Variants in CSMD3 observed in about 807,000 individuals in gnomAD.
CSMD3 encodes the protein CUB and Sushi multiple domains 3.
CSMD3 carries 177 observed loss-of-function variants against 435.2 expected under a neutral mutation model. The observed-to-expected ratio is 0.41, with a 90% CI of 0.36 to 0.46. CSMD3 has a LOEUF of 0.46. Among genes scored for constraint, CSMD3 ranks in the 20% least tolerant of loss-of-function variants. The pLI is 0.34. For missense variants in CSMD3, 4,265 were observed against 4,504.6 expected, an observed-to-expected ratio of 0.95 and a Z score of 1.52; for synonymous variants, 1,656 against 1,520.5, an observed-to-expected ratio of 1.09 and a Z score of -2.07.
chr8:113,341,563 A>T (rs1563722513), intron 1 of CSMD3, among the ~76,000 whole-genome samples: 1 of 152,132 alleles, frequency 6.6e-6, no homozygotes. Context: ...GGAACCCATA[A>T]ACAAGTAGTT....
chr8:113,199,372 A>G (rs2092693677), intron 3 of CSMD3, among the ~76,000 whole-genome samples: 1 of 151,742 alleles, frequency 6.6e-6, no homozygotes. Flanking sequence ...TTCATCATTG[A>G]GAATAACTGG....
intron 20 of CSMD3, among the ~76,000 whole-genome samples, chr8:112,641,349 A>G (rs1320111084): frequency 2.0e-5 from 3 of 152,206 alleles, no homozygotes; most frequent in East Asian, 1.9e-4. Flanking sequence ...AGAAACTACT[A>G]TATTCTAGTC....
intron 3 of CSMD3, among the ~76,000 whole-genome samples, chr8:113,199,717 T>C (rs1042826332): frequency 6.6e-6 from 1 of 151,746 alleles, no homozygotes; most frequent in African/African-American, 2.4e-5. Context: ...TATATTTTTA[T>C]GTGAGGTGAA....
intron 2 of CSMD3, among the ~76,000 whole-genome samples, chr8:113,292,106 A>G (rs1335133675): frequency 1.3e-5 from 2 of 151,690 alleles, no homozygotes; most frequent in African/African-American, 2.4e-5. Context: ...TTTACAGTTT[A>G]CTTTGTAATT....
intron 10 of CSMD3, among the ~76,000 whole-genome samples, chr8:112,920,873 C>T (rs1475139817): frequency 2.0e-5 from 3 of 150,884 alleles, no homozygotes; most frequent in Non-Finnish European, 4.4e-5. Context: ...AAATTGTCCT[C>T]AATGAGTTTT....
chr8:112,920,513 A>G (rs2082702385), intron 10 of CSMD3, among the ~76,000 whole-genome samples: 1 of 151,882 alleles, frequency 6.6e-6, no homozygotes, highest in Non-Finnish European at 1.5e-5. Context: ...TGAGGTGTAG[A>G]TTTTAATTCT....
intron 35 of CSMD3, 23 bp downstream of exon 35, chr8:112,406,501 A>G: frequency 6.6e-7 from 1 of 1,523,578 alleles, no homozygotes; most frequent in South Asian, 1.1e-5. Flanking sequence ...ATAATCACAG[A>G]TCATACAAAT....
At chr8:112,250,344 T>C (rs1022847272) in intron 63 of CSMD3, among the ~76,000 whole-genome samples, 5 of 151,818 alleles carry the variant, frequency 3.3e-5, no homozygotes, top group Admixed American at 2.0e-4. Context: ...ACACATCTAA[T>C]AAGATTTTTG....
At chr8:112,614,244 C>G (rs1833497670) in intron 22 of CSMD3, among the ~76,000 whole-genome samples, 1 of 152,052 alleles carries the variant, frequency 6.6e-6, no homozygotes, top group Non-Finnish European at 1.5e-5. Context: ...GCCCTAATTG[C>G]CATGGTAGCA....
rs546633739 is a variant in CSMD3, at chr8:113,048,568, TA to T, written c.918-29390del. 1.6e-4 allele frequency among the ~76,000 whole-genome samples: 25 copies of T among 152,290 alleles called. No homozygotes were observed. In the East Asian group the frequency reaches 4.2e-3, roughly 26 times the overall value. Reference sequence around the variant, plus strand: ...ATTTTTCTGAAAGAATACTCTAGATTAAAAAAGAAAGATTACATTTGAATAA... The same window carrying T: ...ATTTTTCTGAAAGAATACTCTAGATTAAAAAGAAAGATTACATTTGAATAA... On this transcript the variant is annotated intron_variant, in intron 5 of 70. Coordinates refer to ENST00000297405, the MANE Select transcript of CSMD3 (RefSeq NM_198123.2).
chr8:112,314,049 G>C lies in CSMD3; in HGVS notation c.7553C>G (p.Pro2518Arg), dbSNP rs200501309. 39 of 1,604,884 alleles carry C rather than the reference G, an allele frequency of 2.4e-5. No homozygotes were observed. The highest frequency in any genetic ancestry group is 3.3e-5 in the Admixed American group (2 of 59,918). The change falls in exon 49 of 71, where the codon CCA (proline) becomes CGA (arginine). Residue 2518 changes from proline (P) to arginine (R), a missense_variant. Transcript: ENST00000297405. The part of the protein sequence containing the change: ...EFDVLQVYDG[P>R]NIQSPVLISL... ...AATAAGCACTGGACTTTGAATATTTGGTCCTTTGGGAAGAAAATAAAACAA... is the reference window on the plus strand; with the variant it reads ...AATAAGCACTGGACTTTGAATATTTCGTCCTTTGGGAAGAAAATAAAACAA...
intron 38 of CSMD3, among the ~76,000 whole-genome samples, chr8:112,365,452 A>G (rs1006533053): frequency 6.7e-6 from 1 of 149,726 alleles, no homozygotes; most frequent in African/African-American, 2.5e-5. Flanking sequence ...ATGAAAAAAA[A>G]TTACGCATAG....
At chr8:113,143,980 C>G (rs2091611821) in intron 4 of CSMD3, among the ~76,000 whole-genome samples, 1 of 151,242 alleles carries the variant, frequency 6.6e-6, no homozygotes, top group Non-Finnish European at 1.5e-5. Context: ...TGTAATTTTT[C>G]TTAAAACTGC....
At position 112,766,257 on chromosome 8, in the gene CSMD3, T is replaced by C. The variant is rs1222180588; in HGVS notation, c.1972+33905A>G. ...TGTTTCTCCATACTGAAAAAATTAA[T>C]GGTAATTAAATTGTCCAGAAGAAGA... is the stretch of plus-strand genomic sequence containing the variant. On this transcript the variant is annotated intron_variant, in intron 13 of 70. Transcript: ENST00000297405. Among the ~76,000 whole-genome samples the C allele has an allele frequency of 5.9e-5, 9 of 151,748 alleles. No homozygotes were observed. In the South Asian group the frequency reaches 1.7e-3, roughly 28 times the overall value.
At chr8:113,210,005 TGTGTGTGTG>T in intron 3 of CSMD3, among the ~76,000 whole-genome samples, 2 of 42,632 alleles carry the variant, frequency 4.7e-5, no homozygotes, top group African/African-American at 4.6e-4. Context: ...TCCTAAAAGG[TGTGTGTGTG>T]TGTGTGTGTG....
chr8:113,065,027 T>C (rs528991355), intron 5 of CSMD3, among the ~76,000 whole-genome samples: 1 of 152,188 alleles, frequency 6.6e-6, no homozygotes, highest in African/African-American at 2.4e-5. Flanking sequence ...TGGTGTTCTG[T>C]TGTATCTACA....
intron 10 of CSMD3, among the ~76,000 whole-genome samples, chr8:112,907,831 T>G (rs2082304299): frequency 6.6e-6 from 1 of 151,360 alleles, no homozygotes; most frequent in Non-Finnish European, 1.5e-5. Flanking sequence ...AAAGTAATGT[T>G]TTAAAGTAAG....
chr8:112,272,049 C>G (rs760901314), intron 59 of CSMD3, among the ~76,000 whole-genome samples: 2 of 152,158 alleles, frequency 1.3e-5, no homozygotes, highest in African/African-American at 2.4e-5. Context: ...AACATGCACC[C>G]CTTTTGTCAT....
chr8:112,631,957 G>A lies in CSMD3; in HGVS notation c.3715+4860C>T, dbSNP rs138890298. 6.6e-5 allele frequency among the ~76,000 whole-genome samples: 10 copies of A among 151,834 alleles called. No individual in the cohort carries two copies. In the East Asian group the frequency reaches 1.4e-3, roughly 21 times the overall value. ...TGATTTTTAATTTTCTTTCTACCAG[G>A]CCATATATCTGCAATGCTGACTAAC... On this transcript the variant is annotated intron_variant, in intron 22 of 70. Coordinates refer to ENST00000297405, the MANE Select transcript of CSMD3 (RefSeq NM_198123.2).
Sources: gnomAD v4.1 joint callset for allele counts (sites outside exome capture counted in the v4.1 genomes callset) on GRCh38, gnomAD v4.1.1 for gene constraint, MANE v1.5 for transcripts, NCBI Gene and HGNC (gene_info 2026-07-23, HGNC 2026-07-21) for gene names.